Variants in MLLT3 observed in about 807,000 individuals in gnomAD.
MLLT3 encodes the protein protein AF-9.
In MLLT3, 4 loss-of-function variants were observed where a neutral mutation model predicts 53.2. The observed-to-expected ratio is 0.08, with a 90% CI of 0.04 to 0.17. The LOEUF is 0.17. Ranked by LOEUF, MLLT3 falls within the 10% of genes least tolerant of loss-of-function variation. The pLI, the probability that MLLT3 is intolerant of heterozygous loss-of-function variation, is 1.00. For synonymous variants in MLLT3, 283 were observed against 230.6 expected (o/e 1.23, Z -2.06); for missense variants, 569 against 684.0 (o/e 0.83, Z 1.87).
At chr9:20,613,860 C>A (rs1392617819) in intron 2 of MLLT3, among the ~76,000 whole-genome samples, 1 of 152,014 alleles carries the variant, frequency 6.6e-6, no homozygotes. Flanking sequence ...ACTCTGTATA[C>A]CTTTTGACTC....
rs1339668469 is a variant in MLLT3, at chr9:20,439,183, G to A, written c.420+8940C>T. On this transcript the variant is annotated intron_variant, in intron 4 of 10. Transcript: ENST00000380338. ...AACCTGACCAACACGGTGAAACCCCGACTCTACCAAAAAAATACAAAAATC... is the reference window on the plus strand; with the variant it reads ...AACCTGACCAACACGGTGAAACCCCAACTCTACCAAAAAAATACAAAAATC... 3.3e-5 allele frequency among the ~76,000 whole-genome samples: 5 copies of A among 151,864 alleles called. No homozygotes were observed. The South Asian group carries it at 6.2e-4, about 19-fold the overall frequency.
At chr9:20,347,960 T>C (rs945964705) in intron 10 of MLLT3, among the ~76,000 whole-genome samples, 1 of 152,234 alleles carries the variant, frequency 6.6e-6, no homozygotes, top group African/African-American at 2.4e-5. Flanking sequence ...ACAGTAAATT[T>C]GTGAACTACT....
chr9:20,360,867 A>G, intron 7 of MLLT3, 26 bp from the exon 8 acceptor site: 1 of 1,570,302 alleles, frequency 6.4e-7, no homozygotes, highest in Non-Finnish European at 8.8e-7. Context: ...CAAGTTATGC[A>G]CATCATTACA....
chr9:20,586,401 GAA>G (rs199546502), intron 2 of MLLT3, among the ~76,000 whole-genome samples: 1 of 135,882 alleles, frequency 7.4e-6, no homozygotes, highest in Admixed American at 7.3e-5. Context: ...TGACTGGAAA[GAA>G]AAAAAAAAAA....
chr9:20,403,062 G>A (rs1314392300), intron 5 of MLLT3, among the ~76,000 whole-genome samples: 4 of 151,952 alleles, frequency 2.6e-5, no homozygotes, highest in Non-Finnish European at 4.4e-5. Context: ...ACTGCAAACT[G>A]GAAATGATCG....
intron 7 of MLLT3, among the ~76,000 whole-genome samples, chr9:20,362,335 T>A (rs1195778987): frequency 6.6e-6 from 1 of 152,128 alleles, no homozygotes; most frequent in Non-Finnish European, 1.5e-5. Flanking sequence ...TCTAAATAGG[T>A]CATACGTTTT....
rs1360664510 is a variant in MLLT3, at chr9:20,343,965, T to C, written c.*2478A>G. On this transcript the variant is annotated 3_prime_UTR_variant, in exon 11 of 11. Transcript: ENST00000380338. Reference sequence around the variant, plus strand: ...AATTAGATGAGAGCAAGATTACCACTTCAAAAAAAATAACGTAACTCTCAG... The same window carrying C: ...AATTAGATGAGAGCAAGATTACCACCTCAAAAAAAATAACGTAACTCTCAG... 2 of 203,764 alleles carry C rather than the reference T, an allele frequency of 9.8e-6. No homozygotes were observed. Among genetic ancestry groups the C allele is most frequent in the African/African-American group, 4.6e-5 (2 of 43,788 alleles). The allele number at this position is 203,764 out of a possible 1,614,324, so 12.6% of individuals were successfully genotyped here. A position where few individuals can be genotyped will look rare whatever the true frequency, so the allele number is the denominator to read the frequency against.
chr9:20,588,390 T>A (rs926927216), intron 2 of MLLT3, among the ~76,000 whole-genome samples: 2 of 151,900 alleles, frequency 1.3e-5, no homozygotes, highest in African/African-American at 4.8e-5. Context: ...AAGGCATTGG[T>A]AGCTTGATGG....
chr9:20,454,311 C>T (rs1823908931), intron 3 of MLLT3, among the ~76,000 whole-genome samples: 1 of 152,176 alleles, frequency 6.6e-6, no homozygotes, highest in East Asian at 1.9e-4. Flanking sequence ...CTTGCTGCCT[C>T]TTCATCCTTT....
intron 5 of MLLT3, chr9:20,380,140 T>C (rs1372222281): frequency 6.6e-6 from 1 of 152,046 alleles, no homozygotes; most frequent in East Asian, 1.9e-4. Context: ...TTGGGCTTTC[T>C]ACTCTTATCC....
chr9:20,595,576 C>A (rs1820241510), intron 2 of MLLT3, among the ~76,000 whole-genome samples: 1 of 151,864 alleles, frequency 6.6e-6, no homozygotes, highest in Non-Finnish European at 1.5e-5. Context: ...GAAACATAAG[C>A]GTTATCAAAG....
Position 20,620,909 on chromosome 9 carries a change from A to T in MLLT3, c.13-75T>A. Reference sequence around the variant, plus strand: ...TTCGGCAGTGAACGTTGCGCCTGACATTTTTTTCCTCCTTCTTGAAACGCA... The same window carrying T: ...TTCGGCAGTGAACGTTGCGCCTGACTTTTTTTTCCTCCTTCTTGAAACGCA... On this transcript the variant is annotated intron_variant, in intron 1 of 10. Transcript: ENST00000380338. The surrounding 1 kb of genome is among the most constrained non-coding windows in gnomAD (Gnocchi z 6.1). The T allele has an allele frequency of 6.7e-7, 1 of 1,496,308 alleles. No individual in the cohort carries two copies. Among genetic ancestry groups the T allele is most frequent in the Non-Finnish European group, 9.2e-7 (1 of 1,081,746 alleles). The allele number at this position is 1,496,308 out of a possible 1,614,324, so 92.7% of individuals were successfully genotyped here. A position where few individuals can be genotyped will look rare whatever the true frequency, so the allele number is the denominator to read the frequency against.
intron 2 of MLLT3, among the ~76,000 whole-genome samples, chr9:20,601,445 AAC>A (rs1366095452): frequency 4.6e-5 from 7 of 152,334 alleles, no homozygotes; most frequent in African/African-American, 1.7e-4. Flanking sequence ...TAGCTGTAGC[AAC>A]AGCAGACTGT....
chr9:20,558,293 T>G (rs1002328430), intron 2 of MLLT3, among the ~76,000 whole-genome samples: 1 of 152,108 alleles, frequency 6.6e-6, no homozygotes, highest in African/African-American at 2.4e-5. Context: ...GCAATTATTT[T>G]TTGTTTTTGT....
intron 2 of MLLT3, among the ~76,000 whole-genome samples, chr9:20,592,285 G>C (rs1820148321): frequency 6.6e-6 from 1 of 152,146 alleles, no homozygotes; most frequent in South Asian, 2.1e-4. Flanking sequence ...CTTCACTAGA[G>C]CTGCTATAAC....
chr9:20,420,577 G>A (rs1486196466), intron 4 of MLLT3, among the ~76,000 whole-genome samples: 1 of 152,114 alleles, frequency 6.6e-6, no homozygotes, highest in Admixed American at 6.6e-5. Context: ...AGTTAAATGA[G>A]AAATCAATAT....
In MLLT3 at chr9:20,342,169, T is replaced by C. The variant is rs907205442; in HGVS notation, c.*4274A>G. On this transcript the variant is annotated 3_prime_UTR_variant, in exon 11 of 11. Transcript: ENST00000380338. ...AAGCCAAACTTTGGTCAAATGACTC[T>C]CAGCAAATCAGTACAATTATACATT... 4.6e-6 allele frequency: 1 copy of C among 216,914 alleles called. No individual in the cohort carries two copies. Among genetic ancestry groups the C allele is most frequent in the Non-Finnish European group, 9.3e-6 (1 of 107,754 alleles). The allele number at this position is 216,914 out of a possible 1,614,324, so 13.4% of individuals were successfully genotyped here.
chr9:20,367,208 A>G (rs180716234), intron 5 of MLLT3, among the ~76,000 whole-genome samples: 1 of 152,262 alleles, frequency 6.6e-6, no homozygotes, highest in Non-Finnish European at 1.5e-5. Context: ...TCCTTTTCTA[A>G]CCAGAAAGTT....
Position 20,620,672 on chromosome 9 carries a change from AG to A in MLLT3, c.174del (p.Pro60LeufsTer14). On this transcript the variant is annotated frameshift_variant, in exon 2 of 11. Coordinates refer to ENST00000380338, the MANE Select transcript of MLLT3 (RefSeq NM_004529.4). LOFTEE classifies it high-confidence loss of function. This position sits in a 1 kb window ranked among gnomAD's most constrained non-coding sequence, Gnocchi z 6.1. ...GCCCTACCTCTTTTTGGCCTAGGAA[AG>A]CTTTCGTGCAAGTGGAAGACGACTT... ...VEKVVFHLHESFPRPKRVCKD... is the reference protein window; with the variant it reads ...VEKVVFHLHEXFPRPKRVCKD... 6.2e-7 allele frequency: 1 copy of A among 1,613,730 alleles called. No homozygotes were observed. The highest frequency in any genetic ancestry group is 8.5e-7 in the Non-Finnish European group (1 of 1,179,872).
Sources: gnomAD v4.1 joint callset for allele counts (sites outside exome capture counted in the v4.1 genomes callset) on GRCh38, gnomAD v4.1.1 for gene constraint, Gnocchi (gnomAD v3.1) non-coding constraint, MANE v1.5 for transcripts, NCBI Gene and HGNC (gene_info 2026-07-23, HGNC 2026-07-21) for gene names.